VPS53: variants seen among roughly 807,000 people sequenced by gnomAD.
The protein encoded by VPS53 is VPS53 subunit of GARP complex, also known as vacuolar protein sorting-associated protein 53 homolog.
In VPS53, 70 loss-of-function variants were observed where a neutral mutation model predicts 107.0. That is an observed-to-expected ratio of 0.65 (90% CI 0.54 to 0.80). The LOEUF (loss-of-function observed/expected upper bound fraction) is 0.80, where lower values mean the gene tolerates loss of function less well. Ranked by LOEUF, VPS53 falls within the 30% of genes least tolerant of loss-of-function variation. The pLI, the probability that VPS53 is intolerant of heterozygous loss-of-function variation, is 0.00. For missense variants in VPS53, 917 were observed against 1,049.4 expected (o/e 0.87, Z 1.74); for synonymous variants, 409 against 393.3 (o/e 1.04, Z -0.47).
At chr17:665,355 G>C (rs1971639104) in intron 4 of VPS53, among the ~76,000 whole-genome samples, 1 of 152,210 alleles carries the variant, frequency 6.6e-6, no homozygotes, top group Non-Finnish European at 1.5e-5. Flanking sequence ...AGAAGCCCTT[G>C]CCTGATGTGG....
intron 11 of VPS53, among the ~76,000 whole-genome samples, chr17:617,648 T>C (rs910893241): frequency 2.0e-5 from 3 of 148,730 alleles, no homozygotes; most frequent in African/African-American, 7.5e-5. Flanking sequence ...ACTACAGGCA[T>C]GCACCACCAC....
At chr17:597,569 G>C (rs1438411214) in intron 12 of VPS53, among the ~76,000 whole-genome samples, 3 of 152,122 alleles carry the variant, frequency 2.0e-5, no homozygotes, top group Non-Finnish European at 4.4e-5. Flanking sequence ...TTGAGATGGA[G>C]TCTCACTCTG....
chr17:686,366 G>GA (rs958732334), intron 4 of VPS53, among the ~76,000 whole-genome samples: 13 of 152,024 alleles, frequency 8.6e-5, no homozygotes, highest in Non-Finnish European at 1.2e-4. Flanking sequence ...AACTAGAAAT[G>GA]AAAAAAAATC....
At chr17:711,807 T>C (rs191119639) in intron 1 of VPS53, among the ~76,000 whole-genome samples, 20 of 149,770 alleles carry the variant, frequency 1.3e-4, no homozygotes, top group African/African-American at 4.6e-4. Context: ...TACGTGGTAC[T>C]TCATGGGCAA....
chr17:699,270 G>A, intron 3 of VPS53, 61 bp downstream of exon 3: 1 of 1,350,284 alleles, frequency 7.4e-7, no homozygotes, highest in Non-Finnish European at 9.8e-7. Flanking sequence ...TCCAGAATGT[G>A]ATTAACTAAA....
At chr17:615,409 C>T (rs1199289673) in intron 11 of VPS53, among the ~76,000 whole-genome samples, 1 of 152,102 alleles carries the variant, frequency 6.6e-6, no homozygotes, top group African/African-American at 2.4e-5. Flanking sequence ...TCTTGTCTTC[C>T]GGGCGAGCTG....
intron 17 of VPS53, among the ~76,000 whole-genome samples, chr17:542,458 T>C (rs1420531371): frequency 2.6e-5 from 4 of 152,188 alleles, no homozygotes; most frequent in Non-Finnish European, 5.9e-5. Flanking sequence ...ATTGGGATGA[T>C]GGTAACATCT....
intron 7 of VPS53, among the ~76,000 whole-genome samples, chr17:635,485 G>C (rs1220926496): frequency 6.6e-6 from 1 of 152,162 alleles, no homozygotes; most frequent in Admixed American, 6.5e-5. Context: ...CCTATGTCCT[G>C]AATGGTATTG....
rs146918503 is a variant in VPS53 at position 691,018 on chromosome 17, A to G, written c.285+6400T>C. On this transcript the variant is annotated intron_variant, in intron 4 of 21. Transcript: ENST00000437048. ...ACAAAGAGGTCAACTGTCTCAGTGT[A>G]TATGTTGACACAGCATGTCCACTCC... Among the ~76,000 whole-genome samples the G allele has an allele frequency of 1.1e-3, 166 of 152,344 alleles. 1 individual carries two copies. Among genetic ancestry groups the G allele is most frequent in the African/African-American group, 3.4e-3 (140 of 41,586 alleles).
At chr17:662,631 G>A (rs1237320389) in intron 4 of VPS53, among the ~76,000 whole-genome samples, 1 of 151,734 alleles carries the variant, frequency 6.6e-6, no homozygotes, top group African/African-American at 2.4e-5. Context: ...AGAGCTTGCA[G>A]TGAGCCGAAA....
chr17:581,762 C>T (rs758777865), intron 13 of VPS53, among the ~76,000 whole-genome samples: 2 of 151,818 alleles, frequency 1.3e-5, no homozygotes, highest in Non-Finnish European at 2.9e-5. Flanking sequence ...GATCCTCCCT[C>T]AGAATCTAAT....
chr17:680,285 T>A (rs878898122), intron 4 of VPS53, among the ~76,000 whole-genome samples: 1 of 152,102 alleles, frequency 6.6e-6, no homozygotes, highest in African/African-American at 2.4e-5. Context: ...CAAAGCGAGA[T>A]TCCGTCTCAA....
intron 11 of VPS53, among the ~76,000 whole-genome samples, chr17:614,093 G>A (rs1307289729): frequency 1.3e-5 from 2 of 152,202 alleles, no homozygotes; most frequent in Non-Finnish European, 2.9e-5. Flanking sequence ...AAGTCAATTC[G>A]TAACTGCCCA....
chr17:585,615 C>T (rs1967269300), intron 13 of VPS53, among the ~76,000 whole-genome samples: 1 of 152,110 alleles, frequency 6.6e-6, no homozygotes, highest in Non-Finnish European at 1.5e-5. Flanking sequence ...GCACCCCAGC[C>T]TGGGGGACAG....
intron 8 of VPS53, among the ~76,000 whole-genome samples, chr17:629,532 C>T (rs1969851775): frequency 6.6e-6 from 1 of 151,898 alleles, no homozygotes; most frequent in Admixed American, 6.6e-5. Context: ...CCAAGGCAGG[C>T]AGATCATGAG....
intron 7 of VPS53, among the ~76,000 whole-genome samples, chr17:652,751 G>A (rs191879710): frequency 1.0e-3 from 156 of 152,320 alleles, no homozygotes; most frequent in Admixed American, 3.7e-3. Flanking sequence ...ACTAAGTTTT[G>A]TGCTGGTTTG....
chr17:531,729 T>TC (rs1429417719), intron 19 of VPS53, among the ~76,000 whole-genome samples: 3 of 150,944 alleles, frequency 2.0e-5, no homozygotes, highest in African/African-American at 7.3e-5. Flanking sequence ...ACTCCTGGCC[T>TC]CTAGTGATCC....
chr17:642,395 T>TTGGAAAG lies in VPS53; in HGVS notation c.609-10768_609-10767insCTTTCCA, dbSNP rs1567700497. On this transcript the variant is annotated intron_variant, in intron 7 of 21. Transcript: ENST00000437048. ...TGGAAAGCGAGGAAAACACTCATACTCGGAAACCGAGGACAACACTCATAC... is the reference window on the plus strand; with the variant it reads ...TGGAAAGCGAGGAAAACACTCATACTTGGAAAGCGGAAACCGAGGACAACACTCATAC... 8.1e-5 allele frequency among the ~76,000 whole-genome samples: 12 copies of TTGGAAAG among 148,828 alleles called. 1 individual carries two copies. The East Asian group carries it at 2.4e-3, about 30-fold the overall frequency.
intron 14 of VPS53, among the ~76,000 whole-genome samples, chr17:561,712 C>T (rs1030633048): frequency 6.6e-6 from 1 of 152,180 alleles, no homozygotes; most frequent in African/African-American, 2.4e-5. Flanking sequence ...TCAGCGCAAC[C>T]TCCGCCTCCC....
Sources: gnomAD v4.1 joint callset for allele counts (sites outside exome capture counted in the v4.1 genomes callset) on GRCh38, gnomAD v4.1.1 for gene constraint, MANE v1.5 for transcripts, NCBI Gene and HGNC (gene_info 2026-07-23, HGNC 2026-07-21) for gene names.